Variants in LRRC69 observed in about 807,000 individuals in gnomAD.
The protein encoded by LRRC69 is leucine rich repeat containing 69.
In LRRC69, 42 loss-of-function variants were observed where a neutral mutation model predicts 37.8. The ratio of observed to expected loss-of-function variants is 1.11; its 90% CI spans 0.87 to 1.44. The LOEUF (loss-of-function observed/expected upper bound fraction) is 1.44. Among genes scored for constraint, LRRC69 ranks in the 40% most tolerant of loss-of-function variants. LRRC69 has a pLI of 0.00. For missense variants in LRRC69, 357 were observed against 401.9 expected (o/e 0.89, Z 0.96); for synonymous variants, 141 against 143.1 (o/e 0.99, Z 0.11).
At chr8:91,205,299 G>A (rs988217096) in intron 7 of LRRC69, among the ~76,000 whole-genome samples, 3 of 152,068 alleles carry the variant, frequency 2.0e-5, no homozygotes, top group African/African-American at 7.2e-5. Flanking sequence ...GGACATGGAG[G>A]CTCACGTTAC....
At chr8:91,212,090 A>G (rs1163269227) in intron 7 of LRRC69, among the ~76,000 whole-genome samples, 1 of 152,148 alleles carries the variant, frequency 6.6e-6, no homozygotes, top group African/African-American at 2.4e-5. Context: ...ATTAGTCCTT[A>G]GCAATTACAA....
At chr8:91,107,935 C>T (rs1000291968) in intron 1 of LRRC69, among the ~76,000 whole-genome samples, 9 of 152,048 alleles carry the variant, frequency 5.9e-5, no homozygotes, top group African/African-American at 2.2e-4. Context: ...CATATAATGT[C>T]AACATGAGTG....
intron 7 of LRRC69, among the ~76,000 whole-genome samples, chr8:91,204,752 C>G (rs1402097872): frequency 6.6e-6 from 1 of 152,178 alleles, no homozygotes; most frequent in African/African-American, 2.4e-5. Context: ...TTTCTAACTC[C>G]TGGATGAGAT....
intron 7 of LRRC69, among the ~76,000 whole-genome samples, 198 bp from the exon 8 acceptor site, chr8:91,218,692 G>T (rs1019600650): frequency 1.3e-5 from 2 of 152,092 alleles, no homozygotes; most frequent in Non-Finnish European, 2.9e-5. Flanking sequence ...TTTGGATTTT[G>T]TTTAGCATTT....
intron 5 of LRRC69, chr8:91,158,849 C>G: frequency 1.5e-6 from 1 of 647,120 alleles, no homozygotes; most frequent in Non-Finnish European, 2.8e-6. Flanking sequence ...TTTGGAATGA[C>G]TATAAACATT....
chr8:91,169,837 T>TGGATGA (rs1809095759), intron 5 of LRRC69, among the ~76,000 whole-genome samples: 1 of 137,942 alleles, frequency 7.2e-6, no homozygotes, highest in Admixed American at 7.2e-5. Context: ...TCCATGTCCC[T>TGGATGA]ACAAAGGACA....
chr8:91,175,384 T>C (rs1445181910), intron 5 of LRRC69, among the ~76,000 whole-genome samples: 4 of 152,188 alleles, frequency 2.6e-5, no homozygotes, highest in African/African-American at 9.7e-5. Flanking sequence ...TACTCCTTTA[T>C]AACTTCAACG....
At chr8:91,212,083 A>G (rs1316053485) in intron 7 of LRRC69, among the ~76,000 whole-genome samples, 1 of 152,146 alleles carries the variant, frequency 6.6e-6, no homozygotes, top group Non-Finnish European at 1.5e-5. Context: ...AAGTTGAATT[A>G]GTCCTTAGCA....
At chr8:91,109,820 G>T (rs949625313) in intron 1 of LRRC69, among the ~76,000 whole-genome samples, 7 of 151,970 alleles carry the variant, frequency 4.6e-5, no homozygotes, top group African/African-American at 1.4e-4. Flanking sequence ...ATATGACTTT[G>T]TTAGGAAGTT....
chr8:91,135,735 C>T, exon 5 of LRRC69: 1 of 1,428,184 alleles, frequency 7.0e-7, no homozygotes, highest in Non-Finnish European at 9.2e-7. Flanking sequence ...ATATTTCCAT[C>T]AGGAGTAAGT....
At chr8:91,178,518 T>G (rs1269059556) in intron 5 of LRRC69, among the ~76,000 whole-genome samples, 1 of 152,228 alleles carries the variant, frequency 6.6e-6, no homozygotes, top group Admixed American at 6.5e-5. Flanking sequence ...GCAAATATTT[T>G]GTTAGCTTTT....
At chr8:91,180,252 G>A (rs531685423) in intron 5 of LRRC69, among the ~76,000 whole-genome samples, 3 of 152,286 alleles carry the variant, frequency 2.0e-5, no homozygotes, top group South Asian at 2.1e-4. Context: ...AGCTGGAATT[G>A]CAGTCATCTG....
intron 7 of LRRC69, among the ~76,000 whole-genome samples, chr8:91,217,624 G>A (rs1296685203): frequency 6.6e-6 from 1 of 152,082 alleles, no homozygotes; most frequent in Non-Finnish European, 1.5e-5. Flanking sequence ...ATTGAGCCAG[G>A]GAGTGAGAAA....
At chr8:91,193,407 G>A (rs1486641045) in intron 6 of LRRC69, among the ~76,000 whole-genome samples, 1 of 141,550 alleles carries the variant, frequency 7.1e-6, no homozygotes. Flanking sequence ...AGCTTGATGG[G>A]GATGGCATTG....
At chr8:91,140,292 C>G (rs543556602) in intron 5 of LRRC69, among the ~76,000 whole-genome samples, 1 of 151,734 alleles carries the variant, frequency 6.6e-6, no homozygotes, top group Non-Finnish European at 1.5e-5. Flanking sequence ...CTGAGACATA[C>G]CAAATTATTT....
intron 5 of LRRC69, among the ~76,000 whole-genome samples, chr8:91,156,985 T>G (rs138167984): frequency 1.5e-4 from 23 of 151,516 alleles, no homozygotes; most frequent in Non-Finnish European, 2.8e-4. Context: ...AGTGTCTTTT[T>G]TAAACCAGTT....
Position 91,159,099 on chromosome 8 carries a change from G to C in LRRC69, c.651+23360G>C, listed in dbSNP as rs1170076366. ...TGCTCCTCAAAGGAACACTATTAAG[G>C]TTCATTGAAATGTTTTCAATCATTG... On this transcript the variant is annotated intron_variant, in intron 5 of 7. Transcript: ENST00000448384. Among the ~76,000 whole-genome samples the C allele has an allele frequency of 2.0e-5, 3 of 151,126 alleles. No homozygotes were observed. In the Admixed American group the frequency reaches 2.0e-4, roughly 10 times the overall value.
chr8:91,124,767 A>G, intron 2 of LRRC69, 148 bp downstream of exon 2: 2 of 623,522 alleles, frequency 3.2e-6, no homozygotes, highest in East Asian at 6.4e-5. Flanking sequence ...ATAGGAGGAG[A>G]CAACACTTTT....
chr8:91,180,045 T>C (rs1231377223), intron 5 of LRRC69, among the ~76,000 whole-genome samples: 2 of 152,262 alleles, frequency 1.3e-5, no homozygotes, highest in South Asian at 4.1e-4. Flanking sequence ...ATATATTTAT[T>C]GATTTGCTTT....
Sources: gnomAD v4.1 joint callset for allele counts (sites outside exome capture counted in the v4.1 genomes callset) on GRCh38, gnomAD v4.1.1 for gene constraint, MANE v1.5 for transcripts, NCBI Gene and HGNC (gene_info 2026-07-23, HGNC 2026-07-21) for gene names.